EEFSEC: variants seen among roughly 807,000 people sequenced by gnomAD.
EEFSEC encodes eukaryotic elongation factor, selenocysteine-tRNA specific.
In EEFSEC, 43 loss-of-function variants were observed where a neutral mutation model predicts 42.1. That is an observed-to-expected ratio of 1.02 (90% CI 0.80 to 1.32). The LOEUF (loss-of-function observed/expected upper bound fraction) is 1.32. EEFSEC is among the 40% of genes most tolerant of loss of function. The pLI is 0.00. For missense variants in EEFSEC, 745 were observed against 803.6 expected, an observed-to-expected ratio of 0.93 and a Z score of 0.88; for synonymous variants, 354 against 339.1, an observed-to-expected ratio of 1.04 and a Z score of -0.48.
intron 5 of EEFSEC, among the ~76,000 whole-genome samples, chr3:128,351,193 G>T (rs2067380941): frequency 1.3e-5 from 2 of 152,086 alleles, no homozygotes. Flanking sequence ...CTGTTCTTCT[G>T]GCTTCTCTTG....
At chr3:128,198,145 G>A (rs971601315) in intron 1 of EEFSEC, among the ~76,000 whole-genome samples, 2 of 152,080 alleles carry the variant, frequency 1.3e-5, no homozygotes, top group Non-Finnish European at 2.9e-5. Context: ...GGGTAGGCAA[G>A]GGGGGGATGA....
intron 2 of EEFSEC, among the ~76,000 whole-genome samples, chr3:128,255,625 A>G (rs2107916363): frequency 6.6e-6 from 1 of 152,344 alleles, no homozygotes; most frequent in Admixed American, 6.5e-5. Context: ...TTAAAAGGGA[A>G]GGAGACAGAA....
intron 4 of EEFSEC, among the ~76,000 whole-genome samples, chr3:128,281,488 G>A (rs889345551): frequency 2.6e-5 from 4 of 152,230 alleles, no homozygotes; most frequent in African/African-American, 9.7e-5. Flanking sequence ...GCATGGGTAA[G>A]TTGGGGATGG....
chr3:128,339,442 A>G (rs2067226041), intron 4 of EEFSEC, among the ~76,000 whole-genome samples: 2 of 152,234 alleles, frequency 1.3e-5, no homozygotes, highest in South Asian at 4.1e-4. Context: ...GAAATATGTT[A>G]CATATTTCTC....
downstream of EEFSEC, among the ~76,000 whole-genome samples, chr3:128,410,287 C>G (rs974085889): frequency 3.9e-5 from 6 of 152,244 alleles, no homozygotes; most frequent in Admixed American, 1.3e-4. Context: ...CCCCAGCCCC[C>G]TCAGAGTCCC....
At chr3:128,197,670 T>C (rs2065599309) in intron 1 of EEFSEC, among the ~76,000 whole-genome samples, 1 of 152,192 alleles carries the variant, frequency 6.6e-6, no homozygotes, top group South Asian at 2.1e-4. Context: ...CCAGTGCCAC[T>C]GACTCCATGA....
chr3:128,263,293 G>A (rs980842320), intron 3 of EEFSEC, among the ~76,000 whole-genome samples: 3 of 152,234 alleles, frequency 2.0e-5, no homozygotes, highest in African/African-American at 7.2e-5. Flanking sequence ...GTTACACGGT[G>A]GAGCTGGGAT....
intron 2 of EEFSEC, among the ~76,000 whole-genome samples, chr3:128,257,787 G>A (rs898191494): frequency 1.3e-5 from 2 of 152,210 alleles, no homozygotes; most frequent in Non-Finnish European, 1.5e-5. Flanking sequence ...GGAGGCAAAA[G>A]TGCAGGAAGT....
At chr3:128,186,770 A>G (rs1297055055) in intron 1 of EEFSEC, among the ~76,000 whole-genome samples, 1 of 152,184 alleles carries the variant, frequency 6.6e-6, no homozygotes, top group Admixed American at 6.5e-5. Context: ...TCATTGATTT[A>G]TATGTCTAGC....
chr3:128,422,575 G>A, the EEFSEC span, among the ~76,000 whole-genome samples: 10 of 152,216 alleles, frequency 6.6e-5, no homozygotes, highest in African/African-American at 1.9e-4. Flanking sequence ...CTCACTCCTC[G>A]GGCCTTGAGG....
chr3:128,398,085 G>A (rs1276656058), intron 6 of EEFSEC, among the ~76,000 whole-genome samples: 1 of 152,256 alleles, frequency 6.6e-6, no homozygotes, highest in African/African-American at 2.4e-5. Context: ...ATTGGCAGAT[G>A]AGGTGGGGTG....
chr3:128,384,973 G>T (rs1221920181), intron 6 of EEFSEC, among the ~76,000 whole-genome samples: 1 of 152,178 alleles, frequency 6.6e-6, no homozygotes, highest in Non-Finnish European at 1.5e-5. Flanking sequence ...TCCATACTGG[G>T]TTTTGTTTGA....
intron 6 of EEFSEC, among the ~76,000 whole-genome samples, chr3:128,381,164 TC>T (rs2067771706): frequency 6.6e-6 from 1 of 152,176 alleles, no homozygotes; most frequent in Non-Finnish European, 1.5e-5. Context: ...CCATGTGATT[TC>T]CTGCTAGAGA....
intron 1 of EEFSEC, among the ~76,000 whole-genome samples, chr3:128,225,584 C>T (rs2065900301): frequency 1.3e-5 from 2 of 152,244 alleles, no homozygotes; most frequent in South Asian, 4.1e-4. Flanking sequence ...GCATCCCCAG[C>T]ACCGTGCCTG....
chr3:128,279,376 A>T (rs2066501696), intron 4 of EEFSEC, among the ~76,000 whole-genome samples: 1 of 152,186 alleles, frequency 6.6e-6, no homozygotes, highest in Non-Finnish European at 1.5e-5. Context: ...TACCCACTAG[A>T]TGCCAATAGC....
intron 4 of EEFSEC, among the ~76,000 whole-genome samples, chr3:128,292,022 C>T (rs984070674): frequency 1.7e-4 from 26 of 151,988 alleles, no homozygotes; most frequent in African/African-American, 6.3e-4. Flanking sequence ...AATGCTTGTT[C>T]TGCTTCTATT....
intron 6 of EEFSEC, among the ~76,000 whole-genome samples, chr3:128,360,341 C>T (rs754121828): frequency 2.6e-4 from 40 of 152,226 alleles, no homozygotes; most frequent in Non-Finnish European, 5.0e-4. Flanking sequence ...TCCCCAAGGG[C>T]CTCGTGCCTA....
chr3:128,407,448 G>A (rs577190886), intron 6 of EEFSEC, among the ~76,000 whole-genome samples: 6 of 152,320 alleles, frequency 3.9e-5, no homozygotes, highest in South Asian at 2.1e-4. Context: ...TGAGAATGGC[G>A]TGGGGCAGGG....
At chr3:128,237,362 T>C (rs1340639016) in intron 1 of EEFSEC, among the ~76,000 whole-genome samples, 1 of 152,238 alleles carries the variant, frequency 6.6e-6, no homozygotes, top group Non-Finnish European at 1.5e-5. Flanking sequence ...TCTCACCCTT[T>C]CTTTCAGTAC....
Sources: gnomAD v4.1 joint callset for allele counts (sites outside exome capture counted in the v4.1 genomes callset) on GRCh38, gnomAD v4.1.1 for gene constraint, MANE v1.5 for transcripts, NCBI Gene and HGNC (gene_info 2026-07-23, HGNC 2026-07-21) for gene names.